Variants in PCDHGA5 observed in about 807,000 individuals in gnomAD.
The protein encoded by PCDHGA5 is protocadherin gamma subfamily A, 5, also known as protocadherin gamma-A5.
A neutral mutation model predicts 56.7 loss-of-function variants in PCDHGA5; 36 were observed. The ratio of observed to expected loss-of-function variants is 0.64; its 90% CI spans 0.49 to 0.84. The LOEUF is 0.84. Ranked by LOEUF, PCDHGA5 falls within the 40% of genes least tolerant of loss-of-function variation. PCDHGA5 has a pLI of 0.00. For missense variants in PCDHGA5, 1,305 were observed against 1,201.5 expected (o/e 1.09, Z -1.27); for synonymous variants, 563 against 520.2 (o/e 1.08, Z -1.12).
intron 1 of PCDHGA5, chr5:141,390,402 A>G: frequency 1.5e-6 from 2 of 1,321,630 alleles, no homozygotes; most frequent in Non-Finnish European, 2.1e-6. Flanking sequence ...CATTTTAGGA[A>G]AGTTGTAGTC....
chr5:141,387,998 C>A, intron 1 of PCDHGA5: 1 of 1,485,206 alleles, frequency 6.7e-7, no homozygotes, highest in South Asian at 1.3e-5. Flanking sequence ...ACAGGATTCC[C>A]GAGGAAATGC....
At chr5:141,394,705 C>G (rs1245348426) in intron 1 of PCDHGA5, 9 of 1,613,256 alleles carry the variant, frequency 5.6e-6, no homozygotes, top group Non-Finnish European at 7.6e-6. Flanking sequence ...ACGGCGCGAG[C>G]CCTGCTGGAC....
intron 1 of PCDHGA5, chr5:141,383,383 G>A: frequency 6.2e-7 from 1 of 1,614,036 alleles, no homozygotes; most frequent in Non-Finnish European, 8.5e-7. Flanking sequence ...GGATCCAGAT[G>A]TGGGCACGAA....
At chr5:141,413,271 C>T in intron 1 of PCDHGA5, 1 of 1,613,940 alleles carries the variant, frequency 6.2e-7, no homozygotes, top group Non-Finnish European at 8.5e-7. Flanking sequence ...AGGCTGGAGC[C>T]CGGCAGATCT....
intron 1 of PCDHGA5, chr5:141,391,782 T>C (rs2092421963): frequency 6.6e-6 from 1 of 152,222 alleles, no homozygotes; most frequent in African/African-American, 2.4e-5. Flanking sequence ...GTCATTACTT[T>C]TTGCAGTTTT....
In PCDHGA5 at chr5:141,422,662, G is replaced by A. The variant is rs771844166; in HGVS notation, c.2421+55911G>A. On this transcript the variant is annotated intron_variant, in intron 1 of 3. Transcript: ENST00000518069. Reference sequence around the variant, plus strand: ...CTCCATCTTCTCAGTGACCGCCCTCGACCCGGACAGCAAACAGAATGCCCT... The same window carrying A: ...CTCCATCTTCTCAGTGACCGCCCTCAACCCGGACAGCAAACAGAATGCCCT... 4 of 1,608,410 alleles carry A rather than the reference G, an allele frequency of 2.5e-6. No individual in the cohort carries two copies. In the South Asian group the frequency reaches 3.3e-5, roughly 13 times the overall value.
At chr5:141,459,694 T>A (rs767389870) in intron 1 of PCDHGA5, among the ~76,000 whole-genome samples, 1 of 152,252 alleles carries the variant, frequency 6.6e-6, no homozygotes, top group Non-Finnish European at 1.5e-5. Context: ...AGCGTTCCGC[T>A]TGCTACATTT....
intron 1 of PCDHGA5, among the ~76,000 whole-genome samples, chr5:141,467,372 T>C (rs1006663543): frequency 2.0e-5 from 3 of 152,072 alleles, no homozygotes; most frequent in African/African-American, 7.2e-5. Flanking sequence ...TTTTCTTATA[T>C]TGCATTTAGG....
At chr5:141,371,214 A>G in intron 1 of PCDHGA5, 1 of 1,614,052 alleles carries the variant, frequency 6.2e-7, no homozygotes, top group Non-Finnish European at 8.5e-7. Context: ...TGAGGGCATC[A>G]ATGCCGAAAT....
rs769671283 is a variant in PCDHGA5, at chr5:141,511,391, C to A, written c.*218C>A. 1 of 1,079,748 alleles carries A rather than the reference C, an allele frequency of 9.3e-7. No homozygotes were observed. The allele number at this position is 1,079,748 out of a possible 1,614,324, so 66.9% of individuals were successfully genotyped here. On this transcript the variant is annotated 3_prime_UTR_variant, in exon 4 of 4. Transcript: ENST00000518069. ...TGCAAAAGCAGTTCCGCTGGGAACC[C>A]CCATCCAATCAACTGCTGTACCCAT...
chr5:141,368,807 G>A (rs1237062065), intron 1 of PCDHGA5, among the ~76,000 whole-genome samples: 1 of 152,082 alleles, frequency 6.6e-6, no homozygotes, highest in Admixed American at 6.5e-5. Context: ...ACTAATTGAA[G>A]TGTTCATACA....
Position 141,395,191 on chromosome 5 carries a change from C to T in PCDHGA5, c.2421+28440C>T, listed in dbSNP as rs781685191. ...TGTGAGAAAAATGATTCTTTGTTAA[C>T]ATCCGTAGATTTTCATGAATATAAG... is the stretch of plus-strand genomic sequence containing the variant. On this transcript the variant is annotated intron_variant, in intron 1 of 3. Transcript: ENST00000518069. 8 of 1,614,074 alleles carry T rather than the reference C, an allele frequency of 5.0e-6. 1 individual carries two copies. The South Asian group carries it at 7.7e-5, about 16-fold the overall frequency.
intron 1 of PCDHGA5, among the ~76,000 whole-genome samples, chr5:141,397,283 A>G: frequency 6.6e-6 from 1 of 152,232 alleles, no homozygotes; most frequent in East Asian, 1.9e-4. Context: ...TGGGCAGTAT[A>G]CTTGAATGAA....
chr5:141,404,628 C>T (rs1183309479), intron 1 of PCDHGA5: 2 of 1,614,100 alleles, frequency 1.2e-6, no homozygotes, highest in Non-Finnish European at 1.7e-6. Flanking sequence ...AATGACAATG[C>T]CCCAGAAATC....
At position 141,491,466 on chromosome 5, in the gene PCDHGA5, T is replaced by C; in HGVS notation, c.2422-3341T>C. The C allele has an allele frequency of 6.2e-7, 1 of 1,614,068 alleles. No homozygotes were observed. The highest frequency in any genetic ancestry group is 8.5e-7 in the Non-Finnish European group (1 of 1,179,986). ...AGGACTCACCCTCCCCGGACTTCTA[T>C]AAGCAGTCCAGCCCCAACCTGCAGG... On this transcript the variant is annotated intron_variant, in intron 1 of 3. Transcript: ENST00000518069. The surrounding 1 kb of genome is among the most constrained non-coding windows in gnomAD (Gnocchi z 6.9).
intron 1 of PCDHGA5, chr5:141,421,202 C>G (rs1345590720): frequency 6.6e-7 from 1 of 1,519,226 alleles, no homozygotes; most frequent in Non-Finnish European, 8.8e-7. Flanking sequence ...CTCGAGAAAC[C>G]GCGGAATATC....
rs980196319 is a variant in PCDHGA5 at position 141,511,604 on chromosome 5, A to C, written c.*431A>C. 3 of 248,420 alleles carry C rather than the reference A, an allele frequency of 1.2e-5. No individual in the cohort carries two copies. Among genetic ancestry groups the C allele is most frequent in the African/African-American group, 6.6e-5 (3 of 45,596 alleles). The allele number at this position is 248,420 out of a possible 1,614,324, so 15.4% of individuals were successfully genotyped here. Reference sequence around the variant, plus strand: ...GGTGTTGAAGTACCAAGTAACCTACAAGCCTCCTAGTTCTGAAAAGTTGGA... The same window carrying C: ...GGTGTTGAAGTACCAAGTAACCTACCAGCCTCCTAGTTCTGAAAAGTTGGA... On this transcript the variant is annotated 3_prime_UTR_variant, in exon 4 of 4. Coordinates refer to ENST00000518069, the MANE Select transcript of PCDHGA5 (RefSeq NM_018918.3).
intron 1 of PCDHGA5, among the ~76,000 whole-genome samples, chr5:141,472,980 CAAAAA>C (rs60579131): frequency 1.2e-5 from 1 of 86,106 alleles, no homozygotes; most frequent in African/African-American, 3.9e-5. Flanking sequence ...GAGTGAAACT[CAAAAA>C]AAAAAAAAAA....
chr5:141,394,329 T>C (rs769172287), intron 1 of PCDHGA5: 6 of 1,613,980 alleles, frequency 3.7e-6, no homozygotes, highest in Non-Finnish European at 5.1e-6. Context: ...CTCGTATATC[T>C]CCATCAACTC....
Sources: gnomAD v4.1 joint callset for allele counts (sites outside exome capture counted in the v4.1 genomes callset) on GRCh38, gnomAD v4.1.1 for gene constraint, Gnocchi (gnomAD v3.1) non-coding constraint, MANE v1.5 for transcripts, NCBI Gene and HGNC (gene_info 2026-07-23, HGNC 2026-07-21) for gene names.